Variants in KCNMB2 observed in about 807,000 individuals in gnomAD.
KCNMB2 encodes calcium-activated potassium channel subunit beta-2.
A neutral mutation model predicts 24.5 loss-of-function variants in KCNMB2; 9 were observed. That is an observed-to-expected ratio of 0.37 (90% confidence interval 0.22 to 0.64). KCNMB2 has a LOEUF of 0.64. Among genes scored for constraint, KCNMB2 ranks in the 30% least tolerant of loss-of-function variants. The probability of loss-of-function intolerance (pLI) is 0.63; values close to 1 mark genes in which losing one functional copy is unlikely to be tolerated. For synonymous variants in KCNMB2, 109 were observed against 104.4 expected, an observed-to-expected ratio of 1.04 and a Z score of -0.27; for missense variants, 226 against 284.3, an observed-to-expected ratio of 0.79 and a Z score of 1.47.
chr3:178,744,323 C>T (rs572344546), intron 1 of KCNMB2, among the ~76,000 whole-genome samples: 1 of 152,210 alleles, frequency 6.6e-6, no homozygotes. Flanking sequence ...AACTATTGTA[C>T]AATTCCTTCT....
chr3:178,818,847 A>T (rs1161113021), intron 2 of KCNMB2, among the ~76,000 whole-genome samples: 2 of 152,066 alleles, frequency 1.3e-5, no homozygotes, highest in African/African-American at 4.8e-5. Context: ...TAACCAGCTC[A>T]CTGTCTGCCA....
intron 3 of KCNMB2, 56 bp downstream of exon 3, chr3:178,825,814 C>A: frequency 6.9e-7 from 1 of 1,440,232 alleles, no homozygotes; most frequent in African/African-American, 1.4e-5. Context: ...CATCCTCCCC[C>A]ATCACTTAGG....
intron 1 of KCNMB2, among the ~76,000 whole-genome samples, chr3:178,597,833 G>A (rs1037072471): frequency 1.3e-5 from 2 of 152,006 alleles, no homozygotes; most frequent in East Asian, 1.9e-4. Context: ...CTCTCTGACC[G>A]AGTTATGATA....
chr3:178,717,466 T>C (rs951889856), intron 1 of KCNMB2, among the ~76,000 whole-genome samples: 1 of 152,176 alleles, frequency 6.6e-6, no homozygotes, highest in Non-Finnish European at 1.5e-5. Flanking sequence ...TGAAGCCTAA[T>C]GCAACCTCAG....
At chr3:178,612,603 C>T (rs888470672) in intron 1 of KCNMB2, among the ~76,000 whole-genome samples, 1 of 151,774 alleles carries the variant, frequency 6.6e-6, no homozygotes, top group Non-Finnish European at 1.5e-5. Context: ...TTTTTCCAAC[C>T]TTTTATTTTC....
chr3:178,711,661 C>G (rs1258656060), intron 1 of KCNMB2, among the ~76,000 whole-genome samples: 2 of 152,122 alleles, frequency 1.3e-5, no homozygotes, highest in Non-Finnish European at 2.9e-5. Context: ...GTCCAAAAGC[C>G]CCAGTTAAAA....
At chr3:178,780,477 C>A (rs1712784806) in intron 1 of KCNMB2, among the ~76,000 whole-genome samples, 1 of 152,136 alleles carries the variant, frequency 6.6e-6, no homozygotes, top group Admixed American at 6.5e-5. Context: ...GGTTTAGGCT[C>A]AAAGATGGCT....
rs1724258590 is a variant in KCNMB2, at chr3:178,758,187, G to GGATATATATATATATATATCCAAGA, written c.-67-49155_-67-49154insATATATATATATATATATCCAAGAG. On this transcript the variant is annotated intron_variant, in intron 1 of 4. Coordinates refer to ENST00000452583, the MANE Select transcript of KCNMB2 (RefSeq NM_181361.3). ...GAGGATATATATATATATATCCAAGGGGATATATATATATATATATCCAAG... is the reference window on the plus strand; with the variant it reads ...GAGGATATATATATATATATCCAAGGGATATATATATATATATATCCAAGAGGATATATATATATATATATCCAAG... 2.0e-4 allele frequency among the ~76,000 whole-genome samples: 2 copies of GGATATATATATATATATATCCAAGA among 9,924 alleles called. 1 individual carries two copies. The highest frequency in any genetic ancestry group is 3.3e-4 in the Non-Finnish European group (2 of 6,038). 6.5% of individuals were successfully genotyped at this position (9,924 alleles called of 152,430 possible).
At chr3:178,689,731 G>C (rs1239380358) in intron 1 of KCNMB2, among the ~76,000 whole-genome samples, 1 of 152,130 alleles carries the variant, frequency 6.6e-6, no homozygotes, top group Non-Finnish European at 1.5e-5. Flanking sequence ...CCTTTCTCTA[G>C]AAAAGAAAAC....
intron 3 of KCNMB2, among the ~76,000 whole-genome samples, chr3:178,826,924 A>T (rs756083324): frequency 6.6e-6 from 1 of 152,182 alleles, no homozygotes; most frequent in African/African-American, 2.4e-5. Flanking sequence ...AGCTCTTCAC[A>T]TCTGGTTAGA....
At chr3:178,704,782 C>A (rs868719382) in intron 1 of KCNMB2, among the ~76,000 whole-genome samples, 3 of 152,140 alleles carry the variant, frequency 2.0e-5, no homozygotes, top group Non-Finnish European at 4.4e-5. Flanking sequence ...TAAAGTCCAC[C>A]TTTCTTGCAT....
At chr3:178,558,990 C>A (rs1185115429) in intron 1 of KCNMB2, 1 of 152,196 alleles carries the variant, frequency 6.6e-6, no homozygotes, top group Non-Finnish European at 1.5e-5. Flanking sequence ...TGTGGGTAAG[C>A]TGGACTCACC....
intron 1 of KCNMB2, among the ~76,000 whole-genome samples, chr3:178,648,286 C>T (rs566403466): frequency 7.9e-5 from 12 of 152,208 alleles, no homozygotes; most frequent in African/African-American, 2.9e-4. Context: ...GCATGTAATC[C>T]CAACACTTTG....
chr3:178,759,507 A>G (rs542339375), intron 1 of KCNMB2, among the ~76,000 whole-genome samples: 1 of 125,306 alleles, frequency 8.0e-6, no homozygotes, highest in South Asian at 2.5e-4. Context: ...GGATATATAT[A>G]TATCTCTCCA....
intron 1 of KCNMB2, among the ~76,000 whole-genome samples, chr3:178,675,785 C>T (rs1721051635): frequency 6.6e-6 from 1 of 152,074 alleles, no homozygotes; most frequent in Non-Finnish European, 1.5e-5. Flanking sequence ...ATCTAAAATG[C>T]TAGAGCCGGT....
At chr3:178,677,355 A>G (rs1241030262) in intron 1 of KCNMB2, among the ~76,000 whole-genome samples, 3 of 152,206 alleles carry the variant, frequency 2.0e-5, no homozygotes, top group Non-Finnish European at 4.4e-5. Flanking sequence ...GTGAACAACC[A>G]AAGAAATGAT....
In KCNMB2 at chr3:178,759,754, C is replaced by CACATATATATATCCAAGAGGATATATCTA. The variant is rs370083562; in HGVS notation, c.-67-47589_-67-47588insACATATATATATCCAAGAGGATATATCTA. On this transcript the variant is annotated intron_variant, in intron 1 of 4. Coordinates refer to ENST00000452583, the MANE Select transcript of KCNMB2 (RefSeq NM_181361.3). ...CATATATATATCCAAGAGGATATAT[C>CACATATATATATCCAAGAGGATATATCTA]TATATATATATATCCAAGAGGATAT... Among the ~76,000 whole-genome samples the CACATATATATATCCAAGAGGATATATCTA allele has an allele frequency of 3.4e-4, 2 of 5,876 alleles. 1 individual carries two copies. Among genetic ancestry groups the CACATATATATATCCAAGAGGATATATCTA allele is most frequent in the African/African-American group, 2.3e-3 (2 of 878 alleles). The allele number at this position is 5,876 out of a possible 152,430, so 3.9% of individuals were successfully genotyped here. A position where few individuals can be genotyped will look rare whatever the true frequency, so the allele number is the denominator to read the frequency against.
chr3:178,814,609 G>A (rs1290736657), intron 2 of KCNMB2, among the ~76,000 whole-genome samples: 1 of 152,136 alleles, frequency 6.6e-6, no homozygotes, highest in East Asian at 1.9e-4. Flanking sequence ...TAGTGCCTAA[G>A]TGTTCCCTTT....
chr3:178,739,122 T>G (rs747070079), intron 1 of KCNMB2, among the ~76,000 whole-genome samples: 5 of 149,914 alleles, frequency 3.3e-5, no homozygotes, highest in Non-Finnish European at 5.9e-5. Context: ...AAAACATGTA[T>G]ATCAGCAGGA....
Sources: gnomAD v4.1 joint callset for allele counts (sites outside exome capture counted in the v4.1 genomes callset) on GRCh38, gnomAD v4.1.1 for gene constraint, MANE v1.5 for transcripts, NCBI Gene and HGNC (gene_info 2026-07-23, HGNC 2026-07-21) for gene names.